The following DLEU7 variants were observed in gnomAD, a reference collection of about 807,000 sequenced individuals.
DLEU7 encodes the protein leukemia-associated protein 7.
Under a neutral mutation model 16.0 loss-of-function variants are expected in DLEU7, and 17 were observed. The ratio of observed to expected loss-of-function variants is 1.06; its 90% CI spans 0.73 to 1.59. The LOEUF (loss-of-function observed/expected upper bound fraction) is 1.59, where lower values mean the gene tolerates loss of function less well. Ranked by LOEUF, DLEU7 falls within the 40% of genes most tolerant of loss-of-function variation. DLEU7 has a pLI of 0.00. For missense variants in DLEU7, 308 were observed against 314.9 expected, an observed-to-expected ratio of 0.98 and a Z score of 0.17; for synonymous variants, 113 against 139.8, an observed-to-expected ratio of 0.81 and a Z score of 1.35.
At chr13:50,796,436 A>C (rs1168491652) in intron 1 of DLEU7, among the ~76,000 whole-genome samples, 2 of 152,166 alleles carry the variant, frequency 1.3e-5, no homozygotes, top group Non-Finnish European at 2.9e-5. Context: ...AGGGAGGATG[A>C]ACGTCTTGGG....
intron 1 of DLEU7, among the ~76,000 whole-genome samples, chr13:50,816,608 AG>A (rs1472423982): frequency 6.6e-6 from 1 of 152,138 alleles, no homozygotes; most frequent in African/African-American, 2.4e-5. Flanking sequence ...ATGAGAGACA[AG>A]AGGGTATCAA....
At chr13:50,736,429 T>A (rs946849584) in intron 1 of DLEU7, among the ~76,000 whole-genome samples, 2 of 152,074 alleles carry the variant, frequency 1.3e-5, no homozygotes, top group African/African-American at 4.8e-5. Flanking sequence ...AGTGACAAGA[T>A]AATTTGTAAA....
exon 2 of DLEU7, chr13:50,713,016 G>A (rs569526911): frequency 8.2e-5 from 47 of 572,822 alleles, no homozygotes; most frequent in South Asian, 7.3e-4. Context: ...TTTGTGGCGC[G>A]TTCCAATCGG....
intron 1 of DLEU7, among the ~76,000 whole-genome samples, chr13:50,791,074 G>A (rs772824302): frequency 5.9e-5 from 9 of 152,054 alleles, no homozygotes; most frequent in Non-Finnish European, 1.0e-4. Context: ...AGAGTCCAGG[G>A]GCTTTGGCCC....
At chr13:50,717,893 C>G (rs767931585) in intron 1 of DLEU7, among the ~76,000 whole-genome samples, 1 of 152,216 alleles carries the variant, frequency 6.6e-6, no homozygotes, top group Middle Eastern at 3.4e-3. Flanking sequence ...AACAAAAACT[C>G]AAACTATCAC....
chr13:50,843,523 C>A lies in DLEU7; in HGVS notation c.124G>T (p.Asp42Tyr). The A allele has an allele frequency of 2.8e-6, 4 of 1,429,582 alleles. No individual in the cohort carries two copies. Among genetic ancestry groups the A allele is most frequent in the Non-Finnish European group, 2.7e-6 (3 of 1,102,250 alleles). The allele number at this position is 1,429,582 out of a possible 1,614,324, so 88.6% of individuals were successfully genotyped here. A position where few individuals can be genotyped will look rare whatever the true frequency, so the allele number is the denominator to read the frequency against. ...GGAGCGGTGGACACGTGGTCTGGGT[C>A]CCGCGGGTTCCCGGGGGCGACTGGA... ...DGPVAPGNPR[D>Y]PDHVSTAPAR... The change falls in exon 1 of 2, where the codon GAC becomes TAC. Residue 42 changes from aspartate (D) to tyrosine (Y), a missense_variant. Transcript: ENST00000504404. The surrounding 1 kb of genome is among the most constrained non-coding windows in gnomAD (Gnocchi z 5.7).
chr13:50,766,083 TC>T (rs1179085769), intron 1 of DLEU7, among the ~76,000 whole-genome samples: 6 of 152,106 alleles, frequency 3.9e-5, no homozygotes, highest in Admixed American at 3.9e-4. Flanking sequence ...CAAGTTTCAT[TC>T]CCCTTCCAAA....
intron 1 of DLEU7, among the ~76,000 whole-genome samples, chr13:50,802,433 G>T (rs543011625): frequency 1.3e-5 from 2 of 152,252 alleles, no homozygotes; most frequent in South Asian, 4.1e-4. Context: ...AGCCAAAAAT[G>T]AAATTCTTAG....
chr13:50,780,784 G>C (rs754959446), intron 1 of DLEU7, among the ~76,000 whole-genome samples: 10 of 152,206 alleles, frequency 6.6e-5, no homozygotes, highest in Non-Finnish European at 1.3e-4. Flanking sequence ...CACAGAGATG[G>C]AATCTGTGAG....
intron 1 of DLEU7, among the ~76,000 whole-genome samples, chr13:50,791,265 A>G (rs1875950551): frequency 6.6e-6 from 1 of 152,090 alleles, no homozygotes; most frequent in Admixed American, 6.5e-5. Flanking sequence ...AGGGTTGTAC[A>G]CATGCAGGGG....
intron 1 of DLEU7, among the ~76,000 whole-genome samples, chr13:50,799,979 G>A (rs963228425): frequency 1.3e-5 from 2 of 152,192 alleles, no homozygotes; most frequent in Admixed American, 6.5e-5. Flanking sequence ...AACTCTGGGG[G>A]TATGGAGAAG....
At chr13:50,764,753 T>C (rs1015719485) in intron 1 of DLEU7, among the ~76,000 whole-genome samples, 28 of 152,206 alleles carry the variant, frequency 1.8e-4, no homozygotes, top group African/African-American at 6.3e-4. Flanking sequence ...GTTCACTCCA[T>C]CAGATAGTCC....
chr13:50,721,291 G>A (rs1432657495), intron 1 of DLEU7, among the ~76,000 whole-genome samples: 4 of 152,208 alleles, frequency 2.6e-5, no homozygotes, highest in African/African-American at 9.6e-5. Context: ...TACACTGTCA[G>A]CTTCCCTACT....
chr13:50,819,530 G>T (rs985018342), downstream of DLEU7, among the ~76,000 whole-genome samples: 4 of 152,138 alleles, frequency 2.6e-5, no homozygotes, highest in African/African-American at 9.7e-5. Flanking sequence ...GGAGACAATA[G>T]TGCCTAGGAC....
chr13:50,773,919 G>A (rs1429282175), intron 1 of DLEU7, among the ~76,000 whole-genome samples: 1 of 152,194 alleles, frequency 6.6e-6, no homozygotes, highest in East Asian at 1.9e-4. Flanking sequence ...GTGGTGGGCT[G>A]CACCAGTTTG....
chr13:50,843,704 C>T (rs1377926986), upstream of DLEU7: 3 of 1,475,326 alleles, frequency 2.0e-6, no homozygotes, highest in Admixed American at 2.6e-5. This position sits in a 1 kb window ranked among gnomAD's most constrained non-coding sequence, Gnocchi z 5.7. Flanking sequence ...GCGAGGGAGG[C>T]GGGGGCGTTG....
intron 1 of DLEU7, among the ~76,000 whole-genome samples, chr13:50,716,493 A>G (rs933970338): frequency 2.0e-5 from 3 of 152,190 alleles, no homozygotes; most frequent in Non-Finnish European, 4.4e-5. Flanking sequence ...ATGTTTTTTG[A>G]TCTCTAATCC....
intron 1 of DLEU7, among the ~76,000 whole-genome samples, chr13:50,743,564 A>T (rs185018753): frequency 7.7e-4 from 117 of 152,320 alleles, no homozygotes; most frequent in African/African-American, 2.5e-3. Context: ...TTTAAAAGGA[A>T]TAAAAAGTAT....
At chr13:50,842,557 A>G (rs973747037) in intron 1 of DLEU7, among the ~76,000 whole-genome samples, 52 of 152,212 alleles carry the variant, frequency 3.4e-4, no homozygotes, top group African/African-American at 1.0e-3. Flanking sequence ...TGCCCTACCT[A>G]TATGAGCTGG....
Sources: gnomAD v4.1 joint callset for allele counts (sites outside exome capture counted in the v4.1 genomes callset) on GRCh38, gnomAD v4.1.1 for gene constraint, Gnocchi (gnomAD v3.1) non-coding constraint, MANE v1.5 for transcripts, NCBI Gene and HGNC (gene_info 2026-07-23, HGNC 2026-07-21) for gene names.